COPS4: variants seen among roughly 807,000 people sequenced by gnomAD.
The protein encoded by COPS4 is COP9 signalosome complex subunit 4.
In COPS4, 8 loss-of-function variants were observed where a neutral mutation model predicts 55.1. The observed-to-expected ratio is 0.15, with a 90% CI of 0.09 to 0.26. The LOEUF (loss-of-function observed/expected upper bound fraction) is 0.26, where lower values mean the gene tolerates loss of function less well. COPS4 is among the 10% of genes least tolerant of loss of function. The probability of loss-of-function intolerance (pLI) is 1.00; values close to 1 mark genes in which losing one functional copy is unlikely to be tolerated. For synonymous variants in COPS4, 185 were observed against 165.7 expected (o/e 1.12, Z -0.90); for missense variants, 248 against 484.0 (o/e 0.51, Z 4.58).
At chr4:83,057,887 A>C (rs1035964366) in intron 6 of COPS4, among the ~76,000 whole-genome samples, 1 of 147,014 alleles carries the variant, frequency 6.8e-6, no homozygotes, top group Non-Finnish European at 1.5e-5. Context: ...AGGCCACTGC[A>C]CTCCAGCCAG....
At chr4:83,073,085 C>G (rs1434647130) in intron 9 of COPS4, 1 of 446,538 alleles carries the variant, frequency 2.2e-6, no homozygotes, top group African/African-American at 2.0e-5. Context: ...AATTCAATGG[C>G]CTGTAGTATA....
At chr4:83,042,030 A>G (rs1242049919) in intron 1 of COPS4, among the ~76,000 whole-genome samples, 2 of 150,858 alleles carry the variant, frequency 1.3e-5, no homozygotes, top group Non-Finnish European at 3.0e-5. Flanking sequence ...ACACCTGGCT[A>G]ATTTTTGTAT....
chr4:83,068,622 C>T (rs1179877850), intron 9 of COPS4, 100 bp downstream of exon 9: 2 of 726,086 alleles, frequency 2.8e-6, no homozygotes, highest in Non-Finnish European at 4.8e-6. Flanking sequence ...CAGAATCTTA[C>T]TACTGGAATG....
At chr4:83,042,957 C>A (rs1181051145) in intron 1 of COPS4, among the ~76,000 whole-genome samples, 2 of 150,768 alleles carry the variant, frequency 1.3e-5, no homozygotes, top group Non-Finnish European at 3.0e-5. Flanking sequence ...ACCACATTGC[C>A]CAGGCTGGTC....
At chr4:83,057,549 G>C in intron 6 of COPS4, 141 bp downstream of exon 6, 1 of 602,952 alleles carries the variant, frequency 1.7e-6, no homozygotes, top group Admixed American at 3.5e-5. Context: ...TGTAGTTTAA[G>C]TGTTTAAAAA....
intron 1 of COPS4, among the ~76,000 whole-genome samples, chr4:83,044,711 G>T (rs1175330934): frequency 2.6e-5 from 4 of 151,948 alleles, no homozygotes; most frequent in African/African-American, 9.7e-5. Flanking sequence ...GGAGGTGGAG[G>T]TTGCAGTGAG....
intron 1 of COPS4, among the ~76,000 whole-genome samples, chr4:83,042,475 A>C (rs868041085): frequency 4.4e-4 from 67 of 151,796 alleles, no homozygotes; most frequent in African/African-American, 1.5e-3. Context: ...GGGAGCATGT[A>C]ATGTAGCCAC....
chr4:83,058,887 A>G (rs1247214729), intron 6 of COPS4, among the ~76,000 whole-genome samples: 2 of 152,216 alleles, frequency 1.3e-5, no homozygotes, highest in Non-Finnish European at 2.9e-5. Context: ...GACGTTCCAC[A>G]TTGCCCTATA....
At chr4:83,073,077 T>C in intron 9 of COPS4, 2 of 430,142 alleles carry the variant, frequency 4.6e-6, no homozygotes, top group Non-Finnish European at 8.3e-6. Flanking sequence ...AAGTAAACAA[T>C]TCAATGGCCT....
chr4:83,073,203 C>T, intron 9 of COPS4: 1 of 665,212 alleles, frequency 1.5e-6, no homozygotes, highest in African/African-American at 1.8e-5. Flanking sequence ...TTCCTTCCCC[C>T]AGCTTCTGGC....
chr4:83,065,112 C>G, intron 7 of COPS4: 1 of 664,674 alleles, frequency 1.5e-6, no homozygotes, highest in Non-Finnish European at 2.7e-6. Context: ...TGGGCTCAAG[C>G]AGTTCCTCCC....
At position 83,075,524 on chromosome 4, in the gene COPS4, A is replaced by T. The variant is rs1428030418; in HGVS notation, c.*94A>T. The T allele has an allele frequency of 2.9e-6, 4 of 1,382,004 alleles. No homozygotes were observed. The highest frequency in any genetic ancestry group is 4.0e-6 in the Non-Finnish European group (4 of 1,004,306). 85.6% of individuals were successfully genotyped at this position (1,382,004 alleles called of 1,614,324 possible). On this transcript the variant is annotated 3_prime_UTR_variant, in exon 10 of 10. Coordinates refer to ENST00000264389, the MANE Select transcript of COPS4 (RefSeq NM_016129.3). ...AAGCATTTGCATCATGACCTTATACATTTCAATCCCTTTTATGCTGGATTC... is the reference window on the plus strand; with the variant it reads ...AAGCATTTGCATCATGACCTTATACTTTTCAATCCCTTTTATGCTGGATTC...
At chr4:83,074,849 G>A (rs917986378) in intron 9 of COPS4, among the ~76,000 whole-genome samples, 1 of 151,868 alleles carries the variant, frequency 6.6e-6, no homozygotes, top group South Asian at 2.1e-4. Flanking sequence ...TTGGCTGGAC[G>A]CGGTGGCTCA....
chr4:83,042,208 TC>T (rs1730587508), intron 1 of COPS4, among the ~76,000 whole-genome samples: 1 of 152,176 alleles, frequency 6.6e-6, no homozygotes, highest in Non-Finnish European at 1.5e-5. Context: ...TTATTTTTAA[TC>T]TTCCCCTTTG....
rs2126136239 is a variant in COPS4 at position 83,075,560 on chromosome 4, AG to A, written c.*131del. On this transcript the variant is annotated 3_prime_UTR_variant, in exon 10 of 10. Transcript: ENST00000264389. ...TTTTATGCTGGATTCCGTTTAAAGAAGACATTATTAGAGCAGGAAGTACAAG... is the reference window on the plus strand; with the variant it reads ...TTTTATGCTGGATTCCGTTTAAAGAAACATTATTAGAGCAGGAAGTACAAG... The A allele has an allele frequency of 1.0e-6, 1 of 964,068 alleles. No homozygotes were observed. The highest frequency in any genetic ancestry group is 2.0e-5 in the South Asian group (1 of 51,262). 59.7% of individuals were successfully genotyped at this position (964,068 alleles called of 1,614,324 possible).
chr4:83,041,155 C>T (rs190309814), intron 1 of COPS4, among the ~76,000 whole-genome samples: 3 of 151,308 alleles, frequency 2.0e-5, no homozygotes, highest in East Asian at 3.9e-4. Flanking sequence ...CTCCACCTCC[C>T]GGGTTCAAGC....
At chr4:83,041,712 C>G (rs774797344) in intron 1 of COPS4, among the ~76,000 whole-genome samples, 1 of 151,800 alleles carries the variant, frequency 6.6e-6, no homozygotes, top group Non-Finnish European at 1.5e-5. Flanking sequence ...AAGCGATCGT[C>G]TTCCTTGGCC....
chr4:83,042,198 T>C (rs1730587094), intron 1 of COPS4, among the ~76,000 whole-genome samples: 1 of 152,212 alleles, frequency 6.6e-6, no homozygotes, highest in Admixed American at 6.5e-5. Flanking sequence ...TATTAACTTT[T>C]TATTTTTAAT....
rs5859854 is a variant in COPS4, at chr4:83,055,447, CTT to C, written c.411-1466_411-1465del. ...AGATTATAACTATACAGTATTCTACCTTTTTTTTTTTTTTGAGATGGAGTCTC... is the reference window on the plus strand; with the variant it reads ...AGATTATAACTATACAGTATTCTACCTTTTTTTTTTTTGAGATGGAGTCTC... On this transcript the variant is annotated intron_variant, in intron 4 of 9. Coordinates refer to ENST00000264389, the MANE Select transcript of COPS4 (RefSeq NM_016129.3). Among the ~76,000 whole-genome samples, 224 of 134,844 alleles carry C rather than the reference CTT, an allele frequency of 1.7e-3. 1 individual carries two copies. The highest frequency in any genetic ancestry group is 2.0e-3 in the Non-Finnish European group (121 of 61,952). The allele number at this position is 134,844 out of a possible 152,430, so 88.5% of individuals were successfully genotyped here.
Sources: gnomAD v4.1 joint callset for allele counts (sites outside exome capture counted in the v4.1 genomes callset) on GRCh38, gnomAD v4.1.1 for gene constraint, MANE v1.5 for transcripts, NCBI Gene and HGNC (gene_info 2026-07-23, HGNC 2026-07-21) for gene names.